IMMT: variants seen among roughly 807,000 people sequenced by gnomAD.
IMMT encodes the protein inner membrane mitochondrial protein.
Under a neutral mutation model 92.7 loss-of-function variants are expected in IMMT, and 40 were observed. The ratio of observed to expected loss-of-function variants is 0.43; its 90% CI spans 0.34 to 0.56. The LOEUF (loss-of-function observed/expected upper bound fraction) is 0.56, where lower values mean the gene tolerates loss of function less well. Ranked by LOEUF, IMMT falls within the 20% of genes least tolerant of loss-of-function variation. IMMT has a pLI of 0.03. For synonymous variants in IMMT, 322 were observed against 336.1 expected (o/e 0.96, Z 0.46); for missense variants, 831 against 912.1 (o/e 0.91, Z 1.14).
At chr2:86,164,051 C>CTTTTTT (rs1333229562) in intron 7 of IMMT, among the ~76,000 whole-genome samples, 1 of 83,054 alleles carries the variant, frequency 1.2e-5, no homozygotes, top group African/African-American at 3.8e-5. Context: ...CCACTTTAGT[C>CTTTTTT]ATTTTTTTTT....
At position 86,146,231 on chromosome 2, in the gene IMMT, T is replaced by A. The variant is rs142392424; in HGVS notation, c.1534-34A>T. 97 of 1,583,168 alleles carry A rather than the reference T, an allele frequency of 6.1e-5. 2 individuals are homozygous for A. The African/African-American group carries it at 1.0e-3, about 17-fold the overall frequency. On this transcript the variant is annotated intron_variant, in intron 13 of 14. Transcript: ENST00000410111. ...AAACAGAAATAGTTCCAGAAAAAAG[T>A]GATACTCAATGCATGTCATGTAACT...
rs1467623527 is a variant in IMMT at position 86,158,708 on chromosome 2, T to C, written c.1046A>G (p.Gln349Arg). ...CTGAGATACAACCTTAGCCTCAGAC[T>C]GAGCTGCTTGGACCTGAGCAAATAC... is the stretch of plus-strand genomic sequence containing the variant. ...DNVVKKVQAA[Q>R]SEAKVVSQYH... Residue 349 changes from glutamine to arginine, a missense_variant, in exon 10 of 15, where the codon CAG becomes CGG. Physicochemically the swap from Gln to Arg is conservative, Grantham distance 43 (BLOSUM62 1). Transcript: ENST00000410111. The C allele has an allele frequency of 1.9e-6, 3 of 1,605,728 alleles. No homozygotes were observed.
In IMMT at chr2:86,147,726, C is replaced by T; in HGVS notation, c.1509G>A (p.Gln503=). 1 of 1,613,460 alleles carries T rather than the reference C, an allele frequency of 6.2e-7. No homozygotes were observed. The highest frequency in any genetic ancestry group is 8.5e-7 in the Non-Finnish European group (1 of 1,179,680). ...HLRDVLRVQE[Q]ELKSEFEQNL... ...CCTGCTCAAATTCAGACTTCAATTC[C>T]TGTTCTTGTACCCTAAGGACATCTC... is the stretch of plus-strand genomic sequence containing the variant. The change falls in exon 13 of 15, where the codon CAG becomes CAA. Residue 503 remains glutamine, a synonymous_variant. Transcript: ENST00000410111.
chr2:86,156,338 T>G (rs2104804654), intron 10 of IMMT, among the ~76,000 whole-genome samples: 1 of 152,260 alleles, frequency 6.6e-6, no homozygotes, highest in African/African-American at 2.4e-5. Context: ...ACGCCTGTAA[T>G]CCCAGCACTT....
chr2:86,149,405 A>G (rs1124687), intron 12 of IMMT, among the ~76,000 whole-genome samples: 4,706 of 152,296 alleles, frequency 0.031, 219 homozygotes, highest in African/African-American at 0.1. Flanking sequence ...CTGGTTAAGA[A>G]TTTGGAATTA....
At position 86,170,923 on chromosome 2, in the gene IMMT, C is replaced by T. The variant is rs562036228; in HGVS notation, c.560-79G>A. ...GCTAACAGGGATATAAAAAAAGCAT[C>T]GTTTGTACTGGCCAGTTATATCAAT... On this transcript the variant is annotated intron_variant, in intron 5 of 14. Coordinates refer to ENST00000410111, the MANE Select transcript of IMMT (RefSeq NM_006839.3). 3.6e-4 allele frequency: 402 copies of T among 1,115,814 alleles called. 1 individual carries two copies. Among genetic ancestry groups the T allele is most frequent in the South Asian group, 2.2e-3 (168 of 74,724 alleles). The allele number at this position is 1,115,814 out of a possible 1,614,324, so 69.1% of individuals were successfully genotyped here. A position where few individuals can be genotyped will look rare whatever the true frequency, so the allele number is the denominator to read the frequency against.
intron 1 of IMMT, chr2:86,195,050 G>C: frequency 2.6e-6 from 1 of 379,972 alleles, no homozygotes; most frequent in East Asian, 4.0e-5. Flanking sequence ...CAGCAGCCAG[G>C]ATTGGTCCTG....
At chr2:86,161,744 G>A (rs1054563331) in intron 8 of IMMT, among the ~76,000 whole-genome samples, 2 of 151,896 alleles carry the variant, frequency 1.3e-5, no homozygotes, top group African/African-American at 4.8e-5. Flanking sequence ...TCGATCTCTT[G>A]ACCTCGTGAT....
At chr2:86,162,293 C>T (rs1402231334) in intron 7 of IMMT, among the ~76,000 whole-genome samples, 2 of 150,514 alleles carry the variant, frequency 1.3e-5, no homozygotes, top group Non-Finnish European at 2.9e-5. Context: ...GCTGGGATTA[C>T]AGGCATGAGC....
At chr2:86,151,943 C>T (rs1675493436) in intron 11 of IMMT, among the ~76,000 whole-genome samples, 2 of 152,218 alleles carry the variant, frequency 1.3e-5, no homozygotes, top group Admixed American at 6.5e-5. Flanking sequence ...CAAATTCTCT[C>T]AGACTTTTCC....
rs2105089806 is a variant in IMMT, at chr2:86,166,549, C to CAT, written c.749_750dup (p.Ala251MetfsTer7). 2 of 1,612,956 alleles carry CAT rather than the reference C, an allele frequency of 1.2e-6. No individual in the cohort carries two copies. The highest frequency in any genetic ancestry group is 4.5e-5 in the East Asian group (2 of 44,850). ...GCGGCTTTCAATATGTTGGAGTGTG[C>CAT]ATTGACAGCCTGGACCGCAGCATTC... On this transcript the variant is annotated frameshift_variant, in exon 7 of 15. Transcript: ENST00000410111. LOFTEE classifies it high-confidence loss of function.
At chr2:86,147,649 C>T in intron 13 of IMMT, 53 bp downstream of exon 13, 1 of 1,560,274 alleles carries the variant, frequency 6.4e-7, no homozygotes, top group Non-Finnish European at 8.7e-7. Flanking sequence ...AAAGGAGAGT[C>T]TCTTAATCCT....
chr2:86,166,603 T>G lies in IMMT; in HGVS notation c.697A>C (p.Ser233Arg), dbSNP rs779760544. 1.9e-6 allele frequency: 3 copies of G among 1,613,140 alleles called. No individual in the cohort carries two copies. Among genetic ancestry groups the G allele is most frequent in the South Asian group, 1.1e-5 (1 of 91,052 alleles). ...GCTGCAATAGCCTGCAGAGTGACACTTGCAGTTTGCCTCAGAGCATCTTCT... is the reference window on the plus strand; with the variant it reads ...GCTGCAATAGCCTGCAGAGTGACACGTGCAGTTTGCCTCAGAGCATCTTCT... ...SLEDALRQTA[S>R]VTLQAIAAQN... Residue 233 changes from serine (S) to arginine (R), a missense_variant, in exon 7 of 15, where the codon AGT becomes CGT. Physicochemically the swap from Ser to Arg is moderately radical, Grantham distance 110. Coordinates refer to ENST00000410111, the MANE Select transcript of IMMT (RefSeq NM_006839.3).
intron 6 of IMMT, among the ~76,000 whole-genome samples, chr2:86,169,097 G>A (rs964629385): frequency 6.6e-6 from 1 of 152,234 alleles, no homozygotes. Context: ...AGTTTGAGGG[G>A]GAATTAAGAG....
intron 1 of IMMT, among the ~76,000 whole-genome samples, chr2:86,191,597 G>A (rs145928316): frequency 1.2e-3 from 178 of 152,114 alleles, no homozygotes; most frequent in African/African-American, 3.8e-3. Context: ...AACTGTGTGA[G>A]TAGAGTCCTT....
chr2:86,180,627 C>T (rs1672371743), intron 2 of IMMT, among the ~76,000 whole-genome samples: 1 of 151,900 alleles, frequency 6.6e-6, no homozygotes, highest in Admixed American at 6.5e-5. Flanking sequence ...TGGCTCACAC[C>T]TGTAATGCCA....
chr2:86,157,089 G>A (rs904934776), intron 10 of IMMT, among the ~76,000 whole-genome samples: 1 of 152,154 alleles, frequency 6.6e-6, no homozygotes. Flanking sequence ...TCCTTCTCAA[G>A]GATAAATTGT....
intron 1 of IMMT, among the ~76,000 whole-genome samples, chr2:86,182,662 T>C (rs895753118): frequency 2.0e-5 from 3 of 152,096 alleles, no homozygotes; most frequent in Admixed American, 1.3e-4. Context: ...CTTGGCAACA[T>C]GGCAAAACTC....
At chr2:86,148,619 AAAAAG>A (rs1203505413) in intron 12 of IMMT, among the ~76,000 whole-genome samples, 2 of 152,204 alleles carry the variant, frequency 1.3e-5, no homozygotes, top group Admixed American at 6.5e-5. Context: ...CTCAAAAAGA[AAAAAG>A]AAAAGAAAAT....
Sources: allele counts gnomAD v4.1 joint callset (sites outside exome capture counted in the v4.1 genomes callset), GRCh38; gene constraint gnomAD v4.1.1; transcripts MANE v1.5; gene names NCBI Gene and HGNC (gene_info 2026-07-23, HGNC 2026-07-21).